LTV1: variants seen among roughly 807,000 people sequenced by gnomAD.
The protein encoded by LTV1 is protein LTV1 homolog.
A neutral mutation model predicts 59.9 loss-of-function variants in LTV1; 39 were observed. The ratio of observed to expected loss-of-function variants is 0.65; its 90% CI spans 0.50 to 0.85. The LOEUF (loss-of-function observed/expected upper bound fraction) is 0.85, where lower values mean the gene tolerates loss of function less well. Among genes scored for constraint, LTV1 ranks in the 40% least tolerant of loss-of-function variants. The pLI is 0.00. For synonymous variants in LTV1, 171 were observed against 189.5 expected (o/e 0.90, Z 0.80); for missense variants, 493 against 549.1 (o/e 0.90, Z 1.02).
At chr6:143,851,156 G>GA (rs983846116) in intron 4 of LTV1, among the ~76,000 whole-genome samples, 2 of 152,208 alleles carry the variant, frequency 1.3e-5, no homozygotes, top group African/African-American at 4.8e-5. Flanking sequence ...AAAAAGAAAT[G>GA]AGGCTGGAGG....
intron 1 of LTV1, 102 bp downstream of exon 1, chr6:143,843,582 T>A (rs1776838235): frequency 6.9e-7 from 1 of 1,449,630 alleles, no homozygotes; most frequent in Non-Finnish European, 9.5e-7. Context: ...GTCTGGGTCA[T>A]GCCAGAGGCT....
rs1005431033 is a variant in LTV1, at chr6:143,851,908, C to CT, written c.397+1696dup. ...TCCCTGCAGAGGACATGAACGTGTC[C>CT]TTTTTTATGGCTGCATAGTATTCCA... On this transcript the variant is annotated intron_variant, in intron 4 of 10. Coordinates refer to ENST00000367576, the MANE Select transcript of LTV1 (RefSeq NM_032860.5). Among the ~76,000 whole-genome samples the CT allele has an allele frequency of 2.0e-5, 3 of 152,064 alleles. No individual in the cohort carries two copies. The East Asian group carries it at 5.8e-4, about 29-fold the overall frequency.
In LTV1 at chr6:143,862,145, A is replaced by T. The variant is rs766419790; in HGVS notation, c.965A>T (p.Asp322Val). 3 of 1,613,688 alleles carry T rather than the reference A, an allele frequency of 1.9e-6. No homozygotes were observed. The South Asian group carries it at 3.3e-5, about 18-fold the overall frequency. ...LNTLEPLEDQ[D>V]LPMNELDESE... ...ACCCTTGAACCCTTGGAGGATCAAG[A>T]CCTGCCAATGAATGAGCTTGATGAG... Residue 322 changes from aspartate (D) to valine (V), a missense_variant, in exon 8 of 11, where the codon GAC becomes GTC. Transcript: ENST00000367576. This position sits in a 1 kb window ranked among gnomAD's most constrained non-coding sequence, Gnocchi z 4.2.
chr6:143,845,095 A>G (rs952628950), intron 2 of LTV1, among the ~76,000 whole-genome samples: 1 of 152,104 alleles, frequency 6.6e-6, no homozygotes, highest in African/African-American at 2.4e-5. Context: ...TCATAACCGC[A>G]AACTGCATTT....
At chr6:143,860,152 A>T (rs1042239856) in intron 6 of LTV1, among the ~76,000 whole-genome samples, 6 of 152,210 alleles carry the variant, frequency 3.9e-5, no homozygotes, top group Admixed American at 3.9e-4. Context: ...GCTGCCTAGC[A>T]TTTTGTTCTC....
intron 2 of LTV1, among the ~76,000 whole-genome samples, chr6:143,845,456 A>G (rs1195544019): frequency 6.6e-6 from 1 of 152,148 alleles, no homozygotes; most frequent in Admixed American, 6.5e-5. Flanking sequence ...GCTCACTGCA[A>G]CTTCTACCTC....
chr6:143,850,683 C>G (rs1562329972), intron 4 of LTV1, among the ~76,000 whole-genome samples: 1 of 152,128 alleles, frequency 6.6e-6, no homozygotes, highest in Non-Finnish European at 1.5e-5. Context: ...AGAACAAACA[C>G]AAAAGTCTAC....
Position 143,863,101 on chromosome 6 carries a change from A to G in LTV1, c.1132A>G (p.Ile378Val), listed in dbSNP as rs1777198122. ...KYQPKPKQIRISSKTGIPLNV... is the reference protein window; with the variant it reads ...KYQPKPKQIRVSSKTGIPLNV... ...TGTATTTCAGCCCAAACAAATTCGAATATCTTCTAAAACAGGAATACCTCT... is the reference window on the plus strand; with the variant it reads ...TGTATTTCAGCCCAAACAAATTCGAGTATCTTCTAAAACAGGAATACCTCT... Residue 378 changes from isoleucine to valine, a missense_variant, in exon 10 of 11, where the codon ATA (isoleucine) becomes GTA (valine). Transcript: ENST00000367576. This position sits in a 1 kb window ranked among gnomAD's most constrained non-coding sequence, Gnocchi z 4.5. The G allele has an allele frequency of 6.2e-6, 10 of 1,613,756 alleles. No homozygotes were observed. Among genetic ancestry groups the G allele is most frequent in the Non-Finnish European group, 8.5e-6 (10 of 1,179,792 alleles).
intron 4 of LTV1, among the ~76,000 whole-genome samples, chr6:143,856,407 T>C (rs143255802): frequency 6.6e-6 from 1 of 152,340 alleles, no homozygotes; most frequent in African/African-American, 2.4e-5. Flanking sequence ...AGGAGTTTGT[T>C]ACTACCCACC....
Position 143,846,111 on chromosome 6 carries a change from T to C in LTV1, c.196T>C (p.Tyr66His), listed in dbSNP as rs778374713. The C allele has an allele frequency of 6.2e-7, 1 of 1,614,216 alleles. No homozygotes were observed. The highest frequency in any genetic ancestry group is 1.1e-5 in the South Asian group (1 of 91,092). The change falls in exon 3 of 11, where the codon TAT (tyrosine) becomes CAT (histidine). Residue 66 changes from tyrosine (Y) to histidine (H), a missense_variant. Transcript: ENST00000367576. ...GTATGGAGTGTTCTTTGATGACGAC[T>C]ATGACTACCTGCAGCACCTGAAGGA... ...RKYGVFFDDD[Y>H]DYLQHLKEPS...
intron 6 of LTV1, chr6:143,858,323 G>A: frequency 3.8e-6 from 1 of 264,012 alleles, no homozygotes; most frequent in Non-Finnish European, 7.5e-6. Context: ...CATTCAACCT[G>A]AATGGGTAAC....
chr6:143,863,524 A>T lies in LTV1; in HGVS notation c.1425A>T (p.Leu475=). 6.2e-7 allele frequency: 1 copy of T among 1,609,142 alleles called. No homozygotes were observed. Among genetic ancestry groups the T allele is most frequent in the Non-Finnish European group, 8.5e-7 (1 of 1,176,220 alleles). The part of the protein sequence containing the change: ...NLKKNVEGLK[L] The stretch of plus-strand genomic sequence containing the variant: ...AGAAGAATGTTGAGGGTCTAAAGCT[A>T]TAGACAGTGGAGCATACAGGGCAAG... Residue 475 remains leucine (L), a synonymous_variant, in exon 11 of 11, where the codon CTA becomes CTT. Coordinates refer to ENST00000367576, the MANE Select transcript of LTV1 (RefSeq NM_032860.5). This position sits in a 1 kb window ranked among gnomAD's most constrained non-coding sequence, Gnocchi z 4.5.
chr6:143,860,584 G>A, intron 7 of LTV1, 31 bp downstream of exon 7: 1 of 1,550,354 alleles, frequency 6.5e-7, no homozygotes, highest in Non-Finnish European at 8.7e-7. Flanking sequence ...TTGTTTAGCT[G>A]TTCTTTTTTT....
chr6:143,860,709 A>G (rs1488826096), intron 7 of LTV1, among the ~76,000 whole-genome samples, 156 bp downstream of exon 7: 1 of 152,176 alleles, frequency 6.6e-6, no homozygotes, highest in South Asian at 2.1e-4. Flanking sequence ...AAGGGGAAAA[A>G]AAAAGATAGG....
In LTV1 at chr6:143,862,195, G is replaced by T; in HGVS notation, c.1015G>T (p.Val339Leu). Residue 339 changes from valine to leucine, a missense_variant, in exon 8 of 11, where the codon GTA becomes TTA. Coordinates refer to ENST00000367576, the MANE Select transcript of LTV1 (RefSeq NM_032860.5). The surrounding 1 kb of genome is among the most constrained non-coding windows in gnomAD (Gnocchi z 4.2). ...GTCTGAGGAGGAAGAAATGATTACT[G>T]TAGTCCTTGAAGAAGCCAAAGAGAA... Reference protein sequence around the residue: ...DESEEEEMITVVLEEAKEKWD... With the variant: ...DESEEEEMITLVLEEAKEKWD... 1.2e-6 allele frequency: 2 copies of T among 1,613,778 alleles called. No homozygotes were observed. The highest frequency in any genetic ancestry group is 1.7e-6 in the Non-Finnish European group (2 of 1,179,680).
chr6:143,844,148 A>G (rs186861748), intron 1 of LTV1, among the ~76,000 whole-genome samples: 499 of 152,346 alleles, frequency 3.3e-3, no homozygotes, highest in Non-Finnish European at 5.4e-3. Context: ...AGTGTAAAGT[A>G]GCTTTTAAGG....
intron 1 of LTV1, among the ~76,000 whole-genome samples, chr6:143,843,904 G>T (rs1256009884): frequency 6.6e-6 from 1 of 152,338 alleles, no homozygotes. Context: ...AGAGCATAAG[G>T]TTGGGCCCAA....
intron 2 of LTV1, among the ~76,000 whole-genome samples, chr6:143,844,821 A>T (rs573357816): frequency 6.6e-6 from 1 of 152,292 alleles, no homozygotes; most frequent in East Asian, 1.9e-4. Flanking sequence ...ATAGTTTTTA[A>T]TAAATTGTTA....
intron 3 of LTV1, 115 bp downstream of exon 3, chr6:143,846,339 C>T (rs532126029): frequency 7.5e-6 from 7 of 937,316 alleles, no homozygotes; most frequent in African/African-American, 5.0e-5. Flanking sequence ...AGATAGACCA[C>T]GCCTCCACTT....
Sources: gnomAD v4.1 joint callset for allele counts (sites outside exome capture counted in the v4.1 genomes callset) on GRCh38, gnomAD v4.1.1 for gene constraint, Gnocchi (gnomAD v3.1) non-coding constraint, MANE v1.5 for transcripts, NCBI Gene and HGNC (gene_info 2026-07-23, HGNC 2026-07-21) for gene names.